The following GABRB1 variants were observed in gnomAD, a reference collection of about 807,000 sequenced individuals.
GABRB1 encodes the protein gamma-aminobutyric acid type A receptor subunit beta1.
In GABRB1, 17 loss-of-function variants were observed where a neutral mutation model predicts 51.6. The observed-to-expected ratio is 0.33, with a 90% CI of 0.23 to 0.49. GABRB1 has a LOEUF of 0.49. Ranked by LOEUF, GABRB1 falls within the 20% of genes least tolerant of loss-of-function variation. The pLI, the probability that GABRB1 is intolerant of heterozygous loss-of-function variation, is 0.99. For synonymous variants in GABRB1, 247 were observed against 218.9 expected (o/e 1.13, Z -1.14); for missense variants, 410 against 600.6 (o/e 0.68, Z 3.32).
At chr4:47,019,549 T>TTCTCTCTCTCTCTCTCTC (rs142639522) in intron 1 of GABRB1, among the ~76,000 whole-genome samples, 1 of 128,820 alleles carries the variant, frequency 7.8e-6, no homozygotes, top group African/African-American at 3.0e-5. Context: ...CAGGTTTAGT[T>TTCTCTCTCTCTCTCTCTC]TCTCTCTCTC....
chr4:47,357,678 C>T (rs1726637894), intron 5 of GABRB1, among the ~76,000 whole-genome samples: 1 of 152,140 alleles, frequency 6.6e-6, no homozygotes, highest in Admixed American at 6.6e-5. Flanking sequence ...CTCTGGTACC[C>T]AGACTCAACA....
chr4:47,373,813 A>G (rs1727291378), intron 5 of GABRB1, among the ~76,000 whole-genome samples: 1 of 152,218 alleles, frequency 6.6e-6, no homozygotes, highest in Admixed American at 6.5e-5. Context: ...AAATTTGGTA[A>G]GTGCAAAGAA....
chr4:47,044,565 C>T (rs939510826), intron 3 of GABRB1, among the ~76,000 whole-genome samples: 4 of 151,836 alleles, frequency 2.6e-5, no homozygotes, highest in African/African-American at 4.8e-5. Context: ...ATGAGTGTCA[C>T]GAGATATATA....
intron 5 of GABRB1, among the ~76,000 whole-genome samples, chr4:47,363,838 G>T (rs73813515): frequency 1.0e-3 from 159 of 152,218 alleles, no homozygotes; most frequent in African/African-American, 3.5e-3. Flanking sequence ...ACCACCCTGG[G>T]ATGTACTGAA....
intron 5 of GABRB1, among the ~76,000 whole-genome samples, chr4:47,357,745 T>C (rs571568419): frequency 6.6e-6 from 1 of 152,218 alleles, no homozygotes; most frequent in East Asian, 1.9e-4. Flanking sequence ...CTGAGACCAG[T>C]TCTACAGCAT....
At chr4:47,304,192 A>G (rs2109942350) in intron 4 of GABRB1, among the ~76,000 whole-genome samples, 1 of 152,020 alleles carries the variant, frequency 6.6e-6, no homozygotes, top group Non-Finnish European at 1.5e-5. Flanking sequence ...TGGTAGTTCT[A>G]TTTTTAATGT....
intron 3 of GABRB1, among the ~76,000 whole-genome samples, chr4:47,142,263 T>C (rs1292816263): frequency 6.6e-6 from 1 of 151,772 alleles, no homozygotes; most frequent in Non-Finnish European, 1.5e-5. Context: ...TCAAGAAGGT[T>C]TGGGGCAAAG....
intron 4 of GABRB1, among the ~76,000 whole-genome samples, chr4:47,275,135 GA>G (rs1047119179): frequency 1.3e-5 from 2 of 152,136 alleles, no homozygotes; most frequent in African/African-American, 4.8e-5. Context: ...AGCATGGAAA[GA>G]GGAAAACCAC....
In GABRB1 at chr4:47,098,854, G is replaced by A. The variant is rs117211132; in HGVS notation, c.241-62395G>A. On this transcript the variant is annotated intron_variant, in intron 3 of 8. Transcript: ENST00000295454. The stretch of plus-strand genomic sequence containing the variant: ...TTTTATTCCATAATAACCTCGAGTA[G>A]ATATCACCTAGTGGCTGTTCGTATA... Among the ~76,000 whole-genome samples, 203 of 152,146 alleles carry A rather than the reference G, an allele frequency of 1.3e-3. 4 individuals carry two copies. The East Asian group carries it at 0.036, about 27-fold the overall frequency.
rs192219804 is a variant in GABRB1 at position 47,167,739 on chromosome 4, C to T, written c.461+6270C>T. On this transcript the variant is annotated intron_variant, in intron 4 of 8. Transcript: ENST00000295454. ...CTTTTCATGGGAGTTGGTGTGCCCC[C>T]TCTAGCATATGTGTTTTGTCTCCCG... is the stretch of plus-strand genomic sequence containing the variant. Among the ~76,000 whole-genome samples, 24 of 152,198 alleles carry T rather than the reference C, an allele frequency of 1.6e-4. No individual in the cohort carries two copies. In the East Asian group the frequency reaches 4.6e-3, roughly 29 times the overall value.
intron 5 of GABRB1, among the ~76,000 whole-genome samples, chr4:47,397,209 C>G (rs899453196): frequency 1.3e-5 from 2 of 152,062 alleles, no homozygotes; most frequent in Non-Finnish European, 2.9e-5. Flanking sequence ...TCATCCATGC[C>G]AGTAGTATAA....
intron 4 of GABRB1, among the ~76,000 whole-genome samples, chr4:47,307,464 G>A (rs181998285): frequency 1.1e-4 from 16 of 151,988 alleles, no homozygotes; most frequent in African/African-American, 3.6e-4. Context: ...TTTAGAATAT[G>A]TGATCACCTC....
intron 5 of GABRB1, among the ~76,000 whole-genome samples, chr4:47,374,319 G>T (rs1449274966): frequency 6.6e-6 from 1 of 152,112 alleles, no homozygotes; most frequent in Non-Finnish European, 1.5e-5. Context: ...AGCACAGGTA[G>T]TTGAGGCTGC....
At chr4:47,128,070 G>A (rs948830946) in intron 3 of GABRB1, among the ~76,000 whole-genome samples, 6 of 151,366 alleles carry the variant, frequency 4.0e-5, no homozygotes, top group Admixed American at 3.3e-4. Flanking sequence ...AAAGGCAGAG[G>A]GTGTCTGAAT....
At chr4:47,133,394 A>G (rs1170779644) in intron 3 of GABRB1, among the ~76,000 whole-genome samples, 2 of 152,214 alleles carry the variant, frequency 1.3e-5, no homozygotes, top group Non-Finnish European at 2.9e-5. Flanking sequence ...GGGTCAAAGC[A>G]AACTGTAGCA....
intron 3 of GABRB1, among the ~76,000 whole-genome samples, chr4:47,145,928 A>C (rs968623643): frequency 2.6e-5 from 4 of 152,064 alleles, no homozygotes; most frequent in Non-Finnish European, 5.9e-5. Flanking sequence ...ATGCATCAGC[A>C]CAGCCTTTTT....
chr4:47,320,856 G>A (rs911297369), intron 5 of GABRB1, among the ~76,000 whole-genome samples: 1 of 144,024 alleles, frequency 6.9e-6, no homozygotes, highest in Non-Finnish European at 1.5e-5. Context: ...CGCAATCTCC[G>A]CCTCCCGGGT....
At chr4:47,234,696 G>A (rs1469947717) in intron 4 of GABRB1, among the ~76,000 whole-genome samples, 2 of 152,034 alleles carry the variant, frequency 1.3e-5, no homozygotes, top group African/African-American at 2.4e-5. Flanking sequence ...GTTTGAAAAG[G>A]AAGAAAAAAT....
At chr4:47,240,285 C>T (rs1187383576) in intron 4 of GABRB1, among the ~76,000 whole-genome samples, 4 of 152,160 alleles carry the variant, frequency 2.6e-5, no homozygotes, top group African/African-American at 4.8e-5. Context: ...TGAGCTAATA[C>T]GTCAAAATCT....
Sources: allele counts gnomAD v4.1 joint callset (sites outside exome capture counted in the v4.1 genomes callset), GRCh38; gene constraint gnomAD v4.1.1; transcripts MANE v1.5; gene names NCBI Gene and HGNC (gene_info 2026-07-23, HGNC 2026-07-21).